NID1: variants seen among roughly 807,000 people sequenced by gnomAD.
NID1 encodes nidogen 1.
Under a neutral mutation model 130.6 loss-of-function variants are expected in NID1, and 76 were observed. That is an observed-to-expected ratio of 0.58 (90% CI 0.48 to 0.70). The LOEUF (loss-of-function observed/expected upper bound fraction) is 0.70. NID1 is among the 30% of genes least tolerant of loss of function. The pLI is 0.00. For synonymous variants in NID1, 665 were observed against 675.1 expected (o/e 0.98, Z 0.23); for missense variants, 1,517 against 1,664.8 (o/e 0.91, Z 1.54).
In NID1 at chr1:235,993,653, G is replaced by A. The variant is rs374958175; in HGVS notation, c.2747C>T (p.Thr916Met). ...GGCCTGCACCCACTTACACGGGGGC[G>A]TCATCCCGGGCCTGGTCCTGGTGCC... ...VEGTRTRPGM[T>M]PPCLSTVAPP... The change falls in exon 13 of 20, where the codon ACG becomes ATG. Residue 916 changes from threonine to methionine, a missense_variant. Coordinates refer to ENST00000264187, the MANE Select transcript of NID1 (RefSeq NM_002508.3). 3.4e-5 allele frequency: 53 copies of A among 1,549,028 alleles called. No individual in the cohort carries two copies. Among genetic ancestry groups the A allele is most frequent in the African/African-American group, 8.2e-5 (6 of 73,550 alleles).
At chr1:235,980,706 G>A (rs1325649114) in intron 16 of NID1, 53 bp from the exon 17 acceptor site, 4 of 1,568,920 alleles carry the variant, frequency 2.5e-6, no homozygotes, top group Middle Eastern at 1.7e-4. Context: ...GGATGCATGA[G>A]AAAAAGTTTA....
rs551531949 is a variant in NID1 at position 235,998,454 on chromosome 1, C to T, written c.2528-4582G>A. On this transcript the variant is annotated intron_variant, in intron 12 of 19. Coordinates refer to ENST00000264187, the MANE Select transcript of NID1 (RefSeq NM_002508.3). The stretch of plus-strand genomic sequence containing the variant: ...CTTTGGGAGGCCGAGGTGGGTGGAT[C>T]ACCTGAGGTCAGGAGTTTGAGACCA... Among the ~76,000 whole-genome samples, 82 of 152,264 alleles carry T rather than the reference C, an allele frequency of 5.4e-4. 1 individual carries two copies. In the South Asian group the frequency reaches 0.016, roughly 30 times the overall value.
chr1:235,981,923 T>C, intron 15 of NID1, 141 bp from the exon 16 acceptor site: 5 of 752,248 alleles, frequency 6.6e-6, no homozygotes, highest in Non-Finnish European at 1.0e-5. Context: ...GAAATGCTTG[T>C]TGTTTATAAG....
At chr1:236,038,082 C>T (rs562631733) in intron 5 of NID1, 22 bp downstream of exon 5, 41 of 1,581,068 alleles carry the variant, frequency 2.6e-5, no homozygotes, top group South Asian at 9.0e-5. Flanking sequence ...CCGCATGAAA[C>T]GAACATAGAA....
intron 13 of NID1, among the ~76,000 whole-genome samples, chr1:235,992,038 T>C (rs1233650855): frequency 1.3e-5 from 2 of 152,120 alleles, no homozygotes; most frequent in Non-Finnish European, 2.9e-5. Flanking sequence ...GATGAGACAA[T>C]GTCCCAGGAG....
At chr1:236,030,339 C>T (rs1479181662) in intron 6 of NID1, among the ~76,000 whole-genome samples, 2 of 152,206 alleles carry the variant, frequency 1.3e-5, no homozygotes, top group Non-Finnish European at 1.5e-5. Context: ...ATACTTCTCC[C>T]TTTTCCACAA....
At chr1:236,018,727 C>T (rs929844427) in intron 9 of NID1, among the ~76,000 whole-genome samples, 6 of 152,380 alleles carry the variant, frequency 3.9e-5, no homozygotes, top group African/African-American at 1.4e-4. Context: ...GCGTGAGCCA[C>T]AGCCCCTAGC....
chr1:236,016,479 G>T (rs1442672985), intron 10 of NID1, among the ~76,000 whole-genome samples: 1 of 152,204 alleles, frequency 6.6e-6, no homozygotes, highest in Non-Finnish European at 1.5e-5. Context: ...GCACCCTCCA[G>T]ACCTGGGAAC....
chr1:236,010,605 A>G (rs1558431512), intron 12 of NID1, among the ~76,000 whole-genome samples: 2 of 152,216 alleles, frequency 1.3e-5, no homozygotes, highest in Non-Finnish European at 2.9e-5. Flanking sequence ...CAGCCTATTT[A>G]TGCTTTTTAG....
intron 16 of NID1, among the ~76,000 whole-genome samples, chr1:235,980,931 CAAAGT>C (rs1657419843): frequency 6.6e-6 from 1 of 152,060 alleles, no homozygotes; most frequent in Non-Finnish European, 1.5e-5. Flanking sequence ...CAAAAGAAAA[CAAAGT>C]AAAGGGCTAT....
In NID1 at chr1:235,979,972, ATTG is replaced by A. The variant is rs1343175605; in HGVS notation, c.3386-30_3386-28del. On this transcript the variant is annotated intron_variant, in intron 17 of 19. Transcript: ENST00000264187. The surrounding 1 kb of genome is among the most constrained non-coding windows in gnomAD (Gnocchi z 4.6). ...TGTGTGGAGTGGAAACAATTCATTC[ATTG>A]TTCACACAAGAAATGGCCCCTTTGT... 4.3e-6 allele frequency: 7 copies of A among 1,611,670 alleles called. No homozygotes were observed. The South Asian group carries it at 7.7e-5, about 18-fold the overall frequency.
At chr1:236,003,936 G>A (rs1658160589) in intron 12 of NID1, among the ~76,000 whole-genome samples, 1 of 151,682 alleles carries the variant, frequency 6.6e-6, no homozygotes, top group Non-Finnish European at 1.5e-5. Flanking sequence ...AGGAGACCAA[G>A]GCACAAGAAT....
intron 12 of NID1, among the ~76,000 whole-genome samples, chr1:236,002,202 C>T (rs1465636895): frequency 2.6e-5 from 4 of 152,178 alleles, no homozygotes; most frequent in East Asian, 3.8e-4. Context: ...GCTTGGCTGA[C>T]ATTAAAGACA....
At chr1:235,992,944 T>C (rs1390784977) in intron 13 of NID1, among the ~76,000 whole-genome samples, 1 of 152,208 alleles carries the variant, frequency 6.6e-6, no homozygotes, top group East Asian at 1.9e-4. Flanking sequence ...GGAATCACTC[T>C]CGGGGTTATT....
At chr1:236,064,751 G>T in intron 1 of NID1, 104 bp downstream of exon 1, 2 of 1,086,310 alleles carry the variant, frequency 1.8e-6, no homozygotes, top group Non-Finnish European at 2.6e-6. Context: ...GCGGCCAGCG[G>T]GTCCGGGTCC....
At chr1:236,038,321 T>G in intron 4 of NID1, 68 bp from the exon 5 acceptor site, 2 of 1,548,310 alleles carry the variant, frequency 1.3e-6, no homozygotes, top group Non-Finnish European at 1.8e-6. Context: ...GGCTCTCTCA[T>G]CTAGGCACCC....
At chr1:236,057,771 G>T (rs1044953824) in intron 1 of NID1, among the ~76,000 whole-genome samples, 1 of 151,856 alleles carries the variant, frequency 6.6e-6, no homozygotes, top group Non-Finnish European at 1.5e-5. Context: ...AAAAAGAAAA[G>T]AAAAGAAAAA....
rs564523799 is a variant in NID1, at chr1:235,981,494, G to A, written c.3227+117C>T. The A allele has an allele frequency of 6.2e-5, 71 of 1,141,722 alleles. No individual in the cohort carries two copies. In the African/African-American group the frequency reaches 7.3e-4, roughly 12 times the overall value. 70.7% of individuals were successfully genotyped at this position (1,141,722 alleles called of 1,614,324 possible). On this transcript the variant is annotated intron_variant, in intron 16 of 19. Transcript: ENST00000264187. ...AGTCACCAAAACTGTAGACTCTTTC[G>A]TCCCGTACTCATTAATTTCAGGAGA...
chr1:236,039,330 C>T lies in NID1; in HGVS notation c.1136-1077G>A, dbSNP rs192255601. Among the ~76,000 whole-genome samples, 353 of 151,640 alleles carry T rather than the reference C, an allele frequency of 2.3e-3. 3 individuals carry two copies. Among genetic ancestry groups the T allele is most frequent in the African/African-American group, 8.3e-3 (343 of 41,316 alleles). On this transcript the variant is annotated intron_variant, in intron 4 of 19. Coordinates refer to ENST00000264187, the MANE Select transcript of NID1 (RefSeq NM_002508.3). ...GTACATATATTTTATCCTCCTTCCT[C>T]TGCCTCCCAAGTAGCTGGGACTGCA...
Sources: allele counts gnomAD v4.1 joint callset (sites outside exome capture counted in the v4.1 genomes callset), GRCh38; gene constraint gnomAD v4.1.1; non-coding constraint Gnocchi (gnomAD v3.1); transcripts MANE v1.5; gene names NCBI Gene and HGNC (gene_info 2026-07-23, HGNC 2026-07-21).